NPLOC4: variants seen among roughly 807,000 people sequenced by gnomAD.
NPLOC4 encodes nuclear protein localization protein 4 homolog.
Under a neutral mutation model 80.6 loss-of-function variants are expected in NPLOC4, and 18 were observed. The observed-to-expected ratio is 0.22, with a 90% CI of 0.15 to 0.33. NPLOC4 has a LOEUF of 0.33. Ranked by LOEUF, NPLOC4 falls within the 10% of genes least tolerant of loss-of-function variation. The pLI, the probability that NPLOC4 is intolerant of heterozygous loss-of-function variation, is 1.00. For missense variants in NPLOC4, 540 were observed against 786.1 expected (o/e 0.69, Z 3.74); for synonymous variants, 313 against 301.5 (o/e 1.04, Z -0.39).
In NPLOC4 at chr17:81,567,166, C is replaced by T. The variant is rs2034034851; in HGVS notation, c.1566+251G>A. On this transcript the variant is annotated intron_variant, in intron 15 of 16. Coordinates refer to ENST00000331134, the MANE Select transcript of NPLOC4 (RefSeq NM_017921.4). The surrounding 1 kb of genome is among the most constrained non-coding windows in gnomAD (Gnocchi z 4.5). ...ATTGTAACAGATGAAACCGTACTTC[C>T]TCACAGAGGTGCAGACACTCAATGG... is the stretch of plus-strand genomic sequence containing the variant. Among the ~76,000 whole-genome samples, 1 of 152,216 alleles carries T rather than the reference C, an allele frequency of 6.6e-6. No individual in the cohort carries two copies. Among genetic ancestry groups the T allele is most frequent in the African/African-American group, 2.4e-5 (1 of 41,454 alleles).
chr17:81,594,768 G>C (rs1302077530), intron 11 of NPLOC4, among the ~76,000 whole-genome samples: 1 of 150,172 alleles, frequency 6.7e-6, no homozygotes, highest in Non-Finnish European at 1.5e-5. Flanking sequence ...GCGAGACTCC[G>C]TCTCTAGGGA....
At position 81,610,198 on chromosome 17, in the gene NPLOC4, A is replaced by T; in HGVS notation, c.435+12T>A. ...CACACTGGCCCAGAACTTACTCCGC[A>T]GAGACTCTCACCTCTAGAGGGACGC... On this transcript the variant is annotated intron_variant, in intron 5 of 16. Coordinates refer to ENST00000331134, the MANE Select transcript of NPLOC4 (RefSeq NM_017921.4). 1 of 1,568,458 alleles carries T rather than the reference A, an allele frequency of 6.4e-7. No homozygotes were observed. The highest frequency in any genetic ancestry group is 2.4e-5 in the East Asian group (1 of 42,092).
At chr17:81,623,236 C>CCAAA (rs1183139362) in intron 2 of NPLOC4, among the ~76,000 whole-genome samples, 1 of 150,962 alleles carries the variant, frequency 6.6e-6, no homozygotes, top group Non-Finnish European at 1.5e-5. Context: ...CTATGGGAGG[C>CCAAA]CAAAGCAGGT....
rs1464151741 is a variant in NPLOC4 at position 81,600,243 on chromosome 17, T to C, written c.921+98A>G. The C allele has an allele frequency of 3.8e-6, 3 of 794,782 alleles. No homozygotes were observed. In the African/African-American group the frequency reaches 5.1e-5, roughly 14 times the overall value. The allele number at this position is 794,782 out of a possible 1,614,324, so 49.2% of individuals were successfully genotyped here. Reference sequence around the variant, plus strand: ...ACCTTGTGCAGCCGGAGAGAGCCAGTACCCGACACAGCCCGGCCACTCTCC... The same window carrying C: ...ACCTTGTGCAGCCGGAGAGAGCCAGCACCCGACACAGCCCGGCCACTCTCC... On this transcript the variant is annotated intron_variant, in intron 9 of 16. Transcript: ENST00000331134.
rs988510081 is a variant in NPLOC4, at chr17:81,580,448, C to T, written c.1282-8360G>A. 4.6e-5 allele frequency among the ~76,000 whole-genome samples: 7 copies of T among 152,218 alleles called. No individual in the cohort carries two copies. Among genetic ancestry groups the T allele is most frequent in the African/African-American group, 1.4e-4 (6 of 41,454 alleles). The stretch of plus-strand genomic sequence containing the variant: ...TCACAGCCCCGGCACAGCCATCTCC[C>T]TTCAGCACCTTTCAGAAGCCCTCAT... On this transcript the variant is annotated intron_variant, in intron 12 of 16. Transcript: ENST00000331134. This position sits in a 1 kb window ranked among gnomAD's most constrained non-coding sequence, Gnocchi z 4.4.
intron 12 of NPLOC4, among the ~76,000 whole-genome samples, chr17:81,586,381 G>A (rs1389891929): frequency 6.6e-6 from 1 of 152,026 alleles, no homozygotes; most frequent in African/African-American, 2.4e-5. Context: ...TAGCCAAGGT[G>A]GGCAAATCAC....
chr17:81,623,193 C>G (rs565279256), intron 2 of NPLOC4, among the ~76,000 whole-genome samples: 1 of 151,590 alleles, frequency 6.6e-6, no homozygotes, highest in Non-Finnish European at 1.5e-5. Context: ...AAACTCTGGC[C>G]GGGTGTGGAG....
chr17:81,631,366 G>A (rs767511239), intron 1 of NPLOC4, among the ~76,000 whole-genome samples: 4 of 148,336 alleles, frequency 2.7e-5, no homozygotes, highest in Non-Finnish European at 4.4e-5. Context: ...CCAACACAGC[G>A]AGACCCCATC....
rs556786728 is a variant in NPLOC4, at chr17:81,574,169, C to T, written c.1282-2081G>A. 2.0e-5 allele frequency among the ~76,000 whole-genome samples: 3 copies of T among 152,382 alleles called. No homozygotes were observed. The South Asian group carries it at 6.2e-4, about 32-fold the overall frequency. On this transcript the variant is annotated intron_variant, in intron 12 of 16. Transcript: ENST00000331134. ...CCTGCAACAACTCACACATAATTAG[C>T]CCATCTGGAATTCATCTTCAAATCT... is the stretch of plus-strand genomic sequence containing the variant.
chr17:81,612,035 A>G (rs887941297), intron 4 of NPLOC4, among the ~76,000 whole-genome samples: 1 of 152,076 alleles, frequency 6.6e-6, no homozygotes, highest in Admixed American at 6.6e-5. Flanking sequence ...AGGGCCTGAG[A>G]GCGGTGCATA....
intron 12 of NPLOC4, among the ~76,000 whole-genome samples, chr17:81,585,116 T>A (rs2034538524): frequency 7.8e-6 from 1 of 127,704 alleles, no homozygotes; most frequent in Non-Finnish European, 1.6e-5. Flanking sequence ...GTTGCAGTGA[T>A]CTGAGATCGC....
chr17:81,575,192 C>A lies in NPLOC4; in HGVS notation c.1282-3104G>T, dbSNP rs533901661. On this transcript the variant is annotated intron_variant, in intron 12 of 16. Coordinates refer to ENST00000331134, the MANE Select transcript of NPLOC4 (RefSeq NM_017921.4). ...TCGGCTCACTGCAAGCTCCGCCTCC[C>A]GGGTTCAAGCCATTCTCCTGCCTCA... 3.3e-5 allele frequency among the ~76,000 whole-genome samples: 5 copies of A among 152,290 alleles called. No individual in the cohort carries two copies. The East Asian group carries it at 7.7e-4, about 24-fold the overall frequency.
intron 12 of NPLOC4, among the ~76,000 whole-genome samples, chr17:81,581,375 A>AAAAAAC (rs1555680405): frequency 1.4e-5 from 1 of 72,808 alleles, no homozygotes; most frequent in Non-Finnish European, 2.9e-5. Flanking sequence ...AAAAAAAAAA[A>AAAAAAC]AGTTAATAAA....
chr17:81,607,320 A>C (rs1220419005), intron 6 of NPLOC4, among the ~76,000 whole-genome samples: 1 of 151,772 alleles, frequency 6.6e-6, no homozygotes, highest in Non-Finnish European at 1.5e-5. Context: ...ACTGTTGAAG[A>C]CTGTCAATGA....
At position 81,559,218 on chromosome 17, in the gene NPLOC4, G is replaced by A. The variant is rs2033762035; in HGVS notation, c.*41C>T. 1.3e-6 allele frequency: 2 copies of A among 1,554,022 alleles called. No individual in the cohort carries two copies. The highest frequency in any genetic ancestry group is 1.7e-6 in the Non-Finnish European group (2 of 1,149,658). ...AGCAACGCTTCTGGCTTCAGGAAGGGCTGGGCTGGGCCCGGTCCTAGCCAG... is the reference window on the plus strand; with the variant it reads ...AGCAACGCTTCTGGCTTCAGGAAGGACTGGGCTGGGCCCGGTCCTAGCCAG... On this transcript the variant is annotated 3_prime_UTR_variant, in exon 17 of 17. Transcript: ENST00000331134.
chr17:81,627,311 G>A (rs2035821290), intron 2 of NPLOC4, among the ~76,000 whole-genome samples: 1 of 150,712 alleles, frequency 6.6e-6, no homozygotes, highest in African/African-American at 2.4e-5. Context: ...GAAATGGCAT[G>A]AACCTGGGAG....
intron 11 of NPLOC4, among the ~76,000 whole-genome samples, chr17:81,591,082 C>T (rs1205860396): frequency 3.9e-5 from 6 of 152,126 alleles, no homozygotes; most frequent in East Asian, 3.8e-4. Context: ...GGAGCAGAGG[C>T]AAAGGCTGGA....
intron 9 of NPLOC4, among the ~76,000 whole-genome samples, chr17:81,598,162 G>T (rs1228703177): frequency 6.7e-6 from 1 of 149,556 alleles, no homozygotes; most frequent in Non-Finnish European, 1.5e-5. Flanking sequence ...AGCTTAAAAA[G>T]AATGTTCTCA....
At position 81,613,508 on chromosome 17, in the gene NPLOC4, A is replaced by C. The variant is rs750547041; in HGVS notation, c.210-14T>G. 21 of 1,607,216 alleles carry C rather than the reference A, an allele frequency of 1.3e-5. No homozygotes were observed. Among genetic ancestry groups the C allele is most frequent in the Admixed American group, 3.4e-5 (2 of 58,630 alleles). Reference sequence around the variant, plus strand: ...AAATCGCCATGCCTGTTCAAATGATAAACAGAGGCTGATGCCTTCCCTTAC... The same window carrying C: ...AAATCGCCATGCCTGTTCAAATGATCAACAGAGGCTGATGCCTTCCCTTAC... On this transcript the variant is annotated splice_polypyrimidine_tract_variant and intron_variant, in intron 3 of 16. Transcript: ENST00000331134.
Sources: gnomAD v4.1 joint callset for allele counts (sites outside exome capture counted in the v4.1 genomes callset) on GRCh38, gnomAD v4.1.1 for gene constraint, Gnocchi (gnomAD v3.1) non-coding constraint, MANE v1.5 for transcripts, NCBI Gene and HGNC (gene_info 2026-07-23, HGNC 2026-07-21) for gene names.